SMCHD1: variants seen among roughly 807,000 people sequenced by gnomAD.
SMCHD1 encodes the protein structural maintenance of chromosomes flexible hinge domain-containing protein 1.
Under a neutral mutation model 254.7 loss-of-function variants are expected in SMCHD1, and 78 were observed. The ratio of observed to expected loss-of-function variants is 0.31; its 90% CI spans 0.26 to 0.37. The LOEUF is 0.37. SMCHD1 is among the 10% of genes least tolerant of loss of function. The probability of loss-of-function intolerance (pLI) is 1.00; values close to 1 mark genes in which losing one functional copy is unlikely to be tolerated. For synonymous variants in SMCHD1, 766 were observed against 794.9 expected (o/e 0.96, Z 0.61); for missense variants, 1,840 against 2,408.1 (o/e 0.76, Z 4.94).
Position 2,715,870 on chromosome 18 carries a change from T to C in SMCHD1, c.2261-2288T>C, listed in dbSNP as rs550615171. 7.2e-5 allele frequency among the ~76,000 whole-genome samples: 11 copies of C among 152,288 alleles called. No individual in the cohort carries two copies. In the South Asian group the frequency reaches 1.7e-3, roughly 23 times the overall value. ...CATCTCAAGAAAATAAAATAATCAG[T>C]ATTTTGAATTTTTTATTTGATATTT... is the stretch of plus-strand genomic sequence containing the variant. On this transcript the variant is annotated intron_variant, in intron 17 of 47. Transcript: ENST00000320876.
chr18:2,681,295 C>T (rs1021525065), intron 5 of SMCHD1, among the ~76,000 whole-genome samples: 2 of 151,688 alleles, frequency 1.3e-5, no homozygotes, highest in Non-Finnish European at 2.9e-5. Flanking sequence ...TGCTGGTAAT[C>T]CCAGCTGCTC....
intron 5 of SMCHD1, among the ~76,000 whole-genome samples, chr18:2,676,708 C>T (rs1051217745): frequency 1.9e-4 from 29 of 152,230 alleles, no homozygotes; most frequent in African/African-American, 6.7e-4. Flanking sequence ...AACTAGCACC[C>T]ATATATCCTT....
At chr18:2,657,769 T>A (rs2073115707) in intron 1 of SMCHD1, among the ~76,000 whole-genome samples, 1 of 152,220 alleles carries the variant, frequency 6.6e-6, no homozygotes, top group Admixed American at 6.5e-5. Context: ...TTGCTACCAC[T>A]ATTTACATAA....
chr18:2,667,097 C>T, intron 3 of SMCHD1, 66 bp downstream of exon 3: 2 of 1,134,536 alleles, frequency 1.8e-6, no homozygotes, highest in South Asian at 1.7e-5. Flanking sequence ...ATTACGTATC[C>T]CATTCCTTCA....
rs8090988 is a variant in SMCHD1 at position 2,705,677 on chromosome 18, T to A, written c.1843-17T>A. On this transcript the variant is annotated splice_polypyrimidine_tract_variant and intron_variant, in intron 13 of 47. Coordinates refer to ENST00000320876, the MANE Select transcript of SMCHD1 (RefSeq NM_015295.3). ...TTAATACTGAAGCTTTTTTTTTTTT[T>A]AAAAACTAAATATTAGGTCAAGACA... 380,440 of 1,221,544 alleles carry A rather than the reference T, an allele frequency of 0.31. 53,080 individuals are homozygous for A. The highest frequency in any genetic ancestry group is 0.41 in the African/African-American group (26,667 of 65,296). The allele number at this position is 1,221,544 out of a possible 1,614,324, so 75.7% of individuals were successfully genotyped here.
rs1246260695 is a variant in SMCHD1 at position 2,697,040 on chromosome 18, A to G, written c.1049A>G (p.Tyr350Cys). ...ATTCTTCTCTATTTTAGGCATATTTATCACTACTATATTCATGGCCCAAAA... is the reference window on the plus strand; with the variant it reads ...ATTCTTCTCTATTTTAGGCATATTTGTCACTACTATATTCATGGCCCAAAA... ...HLWTRQLAHI[Y>C]HYYIHGPKGN... is the part of the protein sequence containing the mutation. Residue 350 changes from tyrosine (Y) to cysteine (C), a missense_variant, in exon 9 of 48, where the codon TAT becomes TGT. Physicochemically the swap from Tyr to Cys is radical, Grantham distance 194 (BLOSUM62 -2). Transcript: ENST00000320876. 7.1e-7 allele frequency: 1 copy of G among 1,407,834 alleles called. No individual in the cohort carries two copies. 87.2% of individuals were successfully genotyped at this position (1,407,834 alleles called of 1,614,324 possible).
At chr18:2,656,791 G>A (rs628228) in intron 1 of SMCHD1, among the ~76,000 whole-genome samples, 2,772 of 152,202 alleles carry the variant, frequency 0.018, 90 homozygotes, top group African/African-American at 0.064. Flanking sequence ...CTTCTGGGGC[G>A]GGGCGGCGGG....
At chr18:2,671,566 T>C (rs1278362893) in intron 3 of SMCHD1, among the ~76,000 whole-genome samples, 2 of 150,414 alleles carry the variant, frequency 1.3e-5, no homozygotes, top group African/African-American at 2.5e-5. Context: ...TGGTGGACAT[T>C]TCTTCAAGTT....
At chr18:2,684,593 G>T (rs139225356) in intron 5 of SMCHD1, among the ~76,000 whole-genome samples, 14 of 151,610 alleles carry the variant, frequency 9.2e-5, no homozygotes, top group Admixed American at 9.2e-4. Context: ...CTTTTAATTG[G>T]ATTATTGATA....
At position 2,771,705 on chromosome 18, in the gene SMCHD1, G is replaced by A. The variant is rs564649472; in HGVS notation, c.5052+87G>A. ...TTATTCAGTTTTTATTAGGAATTCT[G>A]AGTATTGTTGTTTTAGGGTACAAAG... On this transcript the variant is annotated intron_variant, in intron 40 of 47. Coordinates refer to ENST00000320876, the MANE Select transcript of SMCHD1 (RefSeq NM_015295.3). 87 of 1,066,798 alleles carry A rather than the reference G, an allele frequency of 8.2e-5. 1 individual carries two copies. In the East Asian group the frequency reaches 2.4e-3, roughly 30 times the overall value. The allele number at this position is 1,066,798 out of a possible 1,614,324, so 66.1% of individuals were successfully genotyped here.
chr18:2,713,959 T>C (rs373356711), intron 17 of SMCHD1, among the ~76,000 whole-genome samples: 9 of 152,372 alleles, frequency 5.9e-5, no homozygotes, highest in African/African-American at 2.2e-4. Flanking sequence ...GAATAATGTA[T>C]ACTCTGCATA....
chr18:2,726,378 T>C, intron 21 of SMCHD1, 74 bp from the exon 22 acceptor site: 2 of 757,648 alleles, frequency 2.6e-6, no homozygotes, highest in Non-Finnish European at 4.1e-6. Flanking sequence ...AAAATATAAA[T>C]CAGAATTGAT....
intron 7 of SMCHD1, 146 bp downstream of exon 7, chr18:2,688,893 A>G: frequency 4.3e-6 from 2 of 459,964 alleles, no homozygotes; most frequent in Admixed American, 3.9e-5. Flanking sequence ...CAAGCCAAAA[A>G]TCTTCAGACA....
chr18:2,718,505 T>G lies in SMCHD1; in HGVS notation c.2458+71T>G, dbSNP rs2074850412. On this transcript the variant is annotated intron_variant, in intron 19 of 47. Coordinates refer to ENST00000320876, the MANE Select transcript of SMCHD1 (RefSeq NM_015295.3). The surrounding 1 kb of genome is among the most constrained non-coding windows in gnomAD (Gnocchi z 4.6). The stretch of plus-strand genomic sequence containing the variant: ...TTTAAATCCAAAGAGAAAAGAGAGA[T>G]AAGCCATTAAAAGATGTTTGAACAA... 10 of 1,323,346 alleles carry G rather than the reference T, an allele frequency of 7.6e-6. No homozygotes were observed. The highest frequency in any genetic ancestry group is 1.0e-5 in the Non-Finnish European group (10 of 965,044). The allele number at this position is 1,323,346 out of a possible 1,614,324, so 82.0% of individuals were successfully genotyped here. A position where few individuals can be genotyped will look rare whatever the true frequency, so the allele number is the denominator to read the frequency against.
chr18:2,731,918 G>A (rs1381810532), intron 24 of SMCHD1, among the ~76,000 whole-genome samples: 2 of 152,152 alleles, frequency 1.3e-5, no homozygotes, highest in African/African-American at 4.8e-5. Context: ...GGCTGAGGCA[G>A]GAGAGTAGTT....
Position 2,724,990 on chromosome 18 carries a change from G to A in SMCHD1, c.2695G>A (p.Gly899Ser), listed in dbSNP as rs764328186. 1 of 1,564,636 alleles carries A rather than the reference G, an allele frequency of 6.4e-7. No homozygotes were observed. The highest frequency in any genetic ancestry group is 1.2e-5 in the South Asian group (1 of 85,004). Reference sequence around the variant, plus strand: ...CAAGGGCCCTGTAAACTCTTGTCAAGGCAAGGTAAGCATTATGTATAGATC... The same window carrying A: ...CAAGGGCCCTGTAAACTCTTGTCAAAGCAAGGTAAGCATTATGTATAGATC... ...TAKGPVNSCQ[G>S]KNYNLKVTLP... Residue 899 changes from glycine (G) to serine (S), a missense_variant, in exon 21 of 48, where the codon GGC becomes AGC. By Grantham distance (56) the Gly-to-Ser change is moderately conservative (BLOSUM62 0). Coordinates refer to ENST00000320876, the MANE Select transcript of SMCHD1 (RefSeq NM_015295.3).
At chr18:2,792,469 T>C (rs1230186465) in intron 45 of SMCHD1, among the ~76,000 whole-genome samples, 1 of 152,204 alleles carries the variant, frequency 6.6e-6, no homozygotes, top group African/African-American at 2.4e-5. Flanking sequence ...GCTCAGAGCA[T>C]ATCCCCATCA....
intron 37 of SMCHD1, among the ~76,000 whole-genome samples, chr18:2,764,907 T>G (rs1379609626): frequency 6.6e-6 from 1 of 152,180 alleles, no homozygotes. Flanking sequence ...GCGTTAGAGA[T>G]AGGATATGCA....
intron 39 of SMCHD1, 133 bp downstream of exon 39, chr18:2,770,241 T>C: frequency 1.2e-6 from 1 of 832,232 alleles, no homozygotes; most frequent in Non-Finnish European, 1.8e-6. Context: ...AAGGTGGTAA[T>C]GATGGTTGAT....
Sources: gnomAD v4.1 joint callset for allele counts (sites outside exome capture counted in the v4.1 genomes callset) on GRCh38, gnomAD v4.1.1 for gene constraint, Gnocchi (gnomAD v3.1) non-coding constraint, MANE v1.5 for transcripts, NCBI Gene and HGNC (gene_info 2026-07-23, HGNC 2026-07-21) for gene names.